Variants in SAMMSON observed in about 807,000 individuals in gnomAD.
SAMMSON encodes the protein survival associated mitochondrial melanoma specific oncogenic non-coding RNA.
At chr3:70,293,734 A>T (rs926998678) in intron 7 of SAMMSON, among the ~76,000 whole-genome samples, 11 of 152,066 alleles carry the variant, frequency 7.2e-5, no homozygotes, top group African/African-American at 2.7e-4. Context: ...AATTACATTA[A>T]TATTCCTCTG....
intron 2 of SAMMSON, among the ~76,000 whole-genome samples, chr3:70,398,706 T>C (rs769771958): frequency 6.6e-6 from 1 of 152,210 alleles, no homozygotes. Context: ...CCCTCCAAAT[T>C]TGACTTTCAC....
chr3:70,050,767 G>A (rs188020619), intron 3 of SAMMSON, among the ~76,000 whole-genome samples: 19 of 152,050 alleles, frequency 1.2e-4, no homozygotes, highest in Admixed American at 7.2e-4. Flanking sequence ...TTGGAGAGGC[G>A]GAGGCATAGA....
At chr3:70,131,368 A>G (rs1288616101) in intron 4 of SAMMSON, among the ~76,000 whole-genome samples, 2 of 152,220 alleles carry the variant, frequency 1.3e-5, no homozygotes, top group Admixed American at 6.5e-5. Flanking sequence ...AAATTTGCTT[A>G]GAAGCAATCC....
At chr3:70,163,140 T>G (rs1316187664) in intron 4 of SAMMSON, among the ~76,000 whole-genome samples, 1 of 151,704 alleles carries the variant, frequency 6.6e-6, no homozygotes, top group Non-Finnish European at 1.5e-5. Context: ...CTATTCACAT[T>G]CAACGCAATG....
intron 4 of SAMMSON, among the ~76,000 whole-genome samples, chr3:70,188,373 G>A (rs543320734): frequency 1.3e-5 from 2 of 152,236 alleles, no homozygotes; most frequent in African/African-American, 4.8e-5. Flanking sequence ...TGCATTAATG[G>A]CTGTTTATAC....
chr3:70,102,665 C>T (rs975182802), intron 4 of SAMMSON, among the ~76,000 whole-genome samples: 1 of 152,140 alleles, frequency 6.6e-6, no homozygotes. Flanking sequence ...ACGAACAGCT[C>T]CAAGTTCAAG....
rs530545754 is a variant in SAMMSON, at chr3:70,252,064, T to C, written n.674+2394T>C. 1.4e-4 allele frequency among the ~76,000 whole-genome samples: 21 copies of C among 152,344 alleles called. No homozygotes were observed. In the South Asian group the frequency reaches 4.1e-3, roughly 30 times the overall value. ...GAGGCAAAAGGAGTTTCTCCTGTTATTATTAAGTCTTTCAATTCTAAGCTA... is the reference window on the plus strand; with the variant it reads ...GAGGCAAAAGGAGTTTCTCCTGTTACTATTAAGTCTTTCAATTCTAAGCTA... On this transcript the variant is annotated intron_variant and non_coding_transcript_variant, in intron 6 of 9. Transcript: ENST00000642114.
At chr3:70,028,583 A>C (rs956231985) in intron 3 of SAMMSON, among the ~76,000 whole-genome samples, 1 of 152,184 alleles carries the variant, frequency 6.6e-6, no homozygotes, top group Admixed American at 6.5e-5. Flanking sequence ...AAAAATCCCT[A>C]AATTTGAGAA....
intron 4 of SAMMSON, among the ~76,000 whole-genome samples, chr3:70,178,622 C>T (rs1037010134): frequency 2.0e-5 from 3 of 152,136 alleles, no homozygotes; most frequent in Admixed American, 6.5e-5. Context: ...AATACCACTG[C>T]GGAGGCATTT....
chr3:70,431,952 C>A (rs1701417270), intron 2 of SAMMSON, among the ~76,000 whole-genome samples: 1 of 151,936 alleles, frequency 6.6e-6, no homozygotes, highest in Non-Finnish European at 1.5e-5. Flanking sequence ...CAAACATATA[C>A]CACAATGTAT....
At chr3:70,320,962 G>A (rs1234262351) in intron 7 of SAMMSON, among the ~76,000 whole-genome samples, 1 of 151,980 alleles carries the variant, frequency 6.6e-6, no homozygotes, top group Non-Finnish European at 1.5e-5. Flanking sequence ...GGGGAGGGAG[G>A]CAGTGTTAAA....
chr3:70,047,065 G>A (rs1202021124), intron 3 of SAMMSON, among the ~76,000 whole-genome samples: 2 of 152,008 alleles, frequency 1.3e-5, no homozygotes, highest in Non-Finnish European at 2.9e-5. Context: ...CAGGTTCCAG[G>A]GATTTGGATG....
At chr3:70,245,456 GA>G (rs954401521) in intron 4 of SAMMSON, among the ~76,000 whole-genome samples, 31 of 151,396 alleles carry the variant, frequency 2.0e-4, no homozygotes, top group Non-Finnish European at 4.6e-4. Context: ...ATATGATTAA[GA>G]AATAGCATAT....
intron 6 of SAMMSON, among the ~76,000 whole-genome samples, chr3:70,290,305 T>TG (rs1228569863): frequency 6.6e-6 from 1 of 151,798 alleles, no homozygotes; most frequent in Non-Finnish European, 1.5e-5. Context: ...GCAGGTCTGT[T>TG]GGAGTACCCT....
chr3:70,163,777 T>C lies in SAMMSON; in HGVS notation n.508-85330T>C, dbSNP rs1008213271. Reference sequence around the variant, plus strand: ...GTGACTTAGTAAAACAACGGCCTCTTAATTTTACTGAAGTTCCCAAATTGA... The same window carrying C: ...GTGACTTAGTAAAACAACGGCCTCTCAATTTTACTGAAGTTCCCAAATTGA... On this transcript the variant is annotated intron_variant and non_coding_transcript_variant, in intron 4 of 9. Transcript: ENST00000642114. 3.4e-4 allele frequency among the ~76,000 whole-genome samples: 52 copies of C among 152,052 alleles called. 1 individual carries two copies. The highest frequency in any genetic ancestry group is 5.9e-5 in the Non-Finnish European group (4 of 67,978).
chr3:70,334,894 C>G (rs1702649922), intron 7 of SAMMSON, among the ~76,000 whole-genome samples: 1 of 152,032 alleles, frequency 6.6e-6, no homozygotes, highest in Non-Finnish European at 1.5e-5. Flanking sequence ...ATACATATGT[C>G]TACTATTTAT....
intron 4 of SAMMSON, among the ~76,000 whole-genome samples, chr3:70,234,658 T>A (rs1427315365): frequency 2.0e-5 from 3 of 151,782 alleles, no homozygotes; most frequent in African/African-American, 4.8e-5. Context: ...AAAAAAAAGT[T>A]TCTGGTGCTT....
chr3:70,149,416 C>T (rs2067562561), intron 4 of SAMMSON, among the ~76,000 whole-genome samples: 1 of 152,034 alleles, frequency 6.6e-6, no homozygotes, highest in Non-Finnish European at 1.5e-5. Context: ...GCCTGTGGTT[C>T]TTAGTTGATG....
At chr3:70,407,868 G>A (rs1257708075) in intron 2 of SAMMSON, among the ~76,000 whole-genome samples, 1 of 152,244 alleles carries the variant, frequency 6.6e-6, no homozygotes, top group African/African-American at 2.4e-5. Flanking sequence ...CTTCTGCACT[G>A]CCCTAGCAGA....
Sources: gnomAD v4.1 joint callset for allele counts (sites outside exome capture counted in the v4.1 genomes callset) on GRCh38, gnomAD v4.1.1 for gene constraint, MANE v1.5 for transcripts, NCBI Gene and HGNC (gene_info 2026-07-23, HGNC 2026-07-21) for gene names.